ZNF705A: variants seen among roughly 807,000 people sequenced by gnomAD.
ZNF705A encodes the protein zinc finger protein 705A.
Under a neutral mutation model 16.6 loss-of-function variants are expected in ZNF705A, and 8 were observed. That is an observed-to-expected ratio of 0.48 (90% CI 0.28 to 0.87). The LOEUF is 0.87. Among genes scored for constraint, ZNF705A ranks in the 40% least tolerant of loss-of-function variants. The probability of loss-of-function intolerance (pLI) is 0.10; values close to 1 mark genes in which losing one functional copy is unlikely to be tolerated. For missense variants in ZNF705A, 233 were observed against 359.9 expected (o/e 0.65, Z 2.85); for synonymous variants, 73 against 117.3 (o/e 0.62, Z 2.44).
At chr12:8,167,461 G>A (rs373836539) in intron 1 of ZNF705A, among the ~76,000 whole-genome samples, 4 of 152,100 alleles carry the variant, frequency 2.6e-5, no homozygotes, top group Non-Finnish European at 4.4e-5. Context: ...TGGTGATTAG[G>A]TTTATTAATT....
At chr12:8,170,278 G>A (rs376901866), upstream of ZNF705A, among the ~76,000 whole-genome samples, 3 of 150,886 alleles carry the variant, frequency 2.0e-5, no homozygotes, top group Admixed American at 6.6e-5. Flanking sequence ...AAATACATAA[G>A]TTGTTATTCC....
At chr12:8,175,112 T>C (rs759318007) in intron 2 of ZNF705A, 116 bp from the exon 4 acceptor site, 1 of 828,746 alleles carries the variant, frequency 1.2e-6, no homozygotes, top group South Asian at 1.6e-5. Flanking sequence ...CTAGGTCTTG[T>C]GGCCTGAGCT....
upstream of ZNF705A, among the ~76,000 whole-genome samples, chr12:8,171,930 T>C (rs1948448807): frequency 6.6e-6 from 1 of 152,136 alleles, no homozygotes; most frequent in African/African-American, 2.4e-5. Flanking sequence ...AAAGACGGGG[T>C]TTCACCATGT....
intron 1 of ZNF705A, among the ~76,000 whole-genome samples, chr12:8,162,229 C>T (rs1948361920): frequency 6.6e-6 from 1 of 152,122 alleles, no homozygotes; most frequent in East Asian, 1.9e-4. Context: ...AAAGGCATAA[C>T]AGGTACTCAG....
chr12:8,163,963 G>A (rs754561386), intron 1 of ZNF705A, among the ~76,000 whole-genome samples: 41 of 151,970 alleles, frequency 2.7e-4, no homozygotes, highest in African/African-American at 9.2e-4. Context: ...TAATATTTAA[G>A]GTGTGCATCT....
intron 1 of ZNF705A, among the ~76,000 whole-genome samples, chr12:8,158,807 T>C (rs1591620091): frequency 6.6e-6 from 1 of 152,150 alleles, no homozygotes; most frequent in Non-Finnish European, 1.5e-5. Context: ...TTTTTCACTA[T>C]TGATTTTTAT....
intron 1 of ZNF705A, among the ~76,000 whole-genome samples, chr12:8,166,963 T>C (rs1948404549): frequency 6.6e-6 from 1 of 152,182 alleles, no homozygotes; most frequent in Non-Finnish European, 1.5e-5. Context: ...TCCTTTTAGT[T>C]ACCCAAATTT....
At chr12:8,171,021 A>G (rs1487631673), upstream of ZNF705A, among the ~76,000 whole-genome samples, 1 of 152,202 alleles carries the variant, frequency 6.6e-6, no homozygotes, top group East Asian at 1.9e-4. Context: ...CAGGCAGAAT[A>G]TAATTAAAAG....
chr12:8,170,735 T>C (rs1948439090), upstream of ZNF705A, among the ~76,000 whole-genome samples: 1 of 152,202 alleles, frequency 6.6e-6, no homozygotes, highest in Non-Finnish European at 1.5e-5. Flanking sequence ...AATTATAGAC[T>C]ACATAATACA....
intron 1 of ZNF705A, among the ~76,000 whole-genome samples, chr12:8,163,519 T>G (rs1250882273): frequency 2.6e-5 from 4 of 152,214 alleles, no homozygotes; most frequent in Non-Finnish European, 4.4e-5. Context: ...GTCATCATAA[T>G]CAGCCTCATC....
Position 8,177,572 on chromosome 12 carries a change from G to A in ZNF705A, c.892G>A (p.Asp298Asn), listed in dbSNP as rs748496251. ...TGGGAAGGCCTTCAGTCTGTCTTCC[G>A]ACCTTAGATGACATGAGAGAACATG... Residue 298 changes from aspartate to asparagine, a missense_variant, in exon 5 of 5, where the codon GAC becomes AAC. By Grantham distance (23) the Asp-to-Asn change is conservative. Around this residue, in one of 3 missense-constraint regions of ZNF705A, gnomAD observed 220 missense variants for 271.4 expected, o/e 0.81. Coordinates refer to ENST00000359286, the Ensembl canonical transcript of ZNF705A. 145 of 1,606,996 alleles carry A rather than the reference G, an allele frequency of 9.0e-5. No homozygotes were observed. The highest frequency in any genetic ancestry group is 9.0e-4 in the African/African-American group (67 of 74,800).
intron 3 of ZNF705A, 108 bp downstream of exon 4, chr12:8,175,431 T>C: frequency 7.8e-7 from 1 of 1,288,772 alleles, no homozygotes; most frequent in South Asian, 1.3e-5. Context: ...ATTTCTAAAA[T>C]GTAGGTTAGG....
At chr12:8,174,945 G>T (rs1410037950) in intron 2 of ZNF705A, among the ~76,000 whole-genome samples, 1 of 152,108 alleles carries the variant, frequency 6.6e-6, no homozygotes, top group African/African-American at 2.4e-5. Context: ...TTTCTGAAAA[G>T]ATTGTGTATT....
At position 8,165,115 on chromosome 12, in the gene ZNF705A, A is replaced by C. The variant is rs370597811; in HGVS notation, c.-71-7440A>C. ...CTCCACATCCTCACTAATACTTGTTATACATCTTTTTGATAATAGCTATTC... is the reference window on the plus strand; with the variant it reads ...CTCCACATCCTCACTAATACTTGTTCTACATCTTTTTGATAATAGCTATTC... On this transcript the variant is annotated intron_variant, in intron 1 of 5. Coordinates refer to the ZNF705A transcript ENST00000396570. Among the ~76,000 whole-genome samples the C allele has an allele frequency of 1.1e-4, 16 of 152,292 alleles. No homozygotes were observed. The East Asian group carries it at 3.1e-3, about 29-fold the overall frequency.
chr12:8,172,493 A>G (rs1204131737), upstream of ZNF705A: 87 of 1,206,218 alleles, frequency 7.2e-5, no homozygotes, highest in Non-Finnish European at 1.0e-4. Context: ...CTGGCTTTTC[A>G]TCGGTTGATC....
chr12:8,166,364 G>A (rs12320194), intron 1 of ZNF705A, among the ~76,000 whole-genome samples: 2,976 of 152,208 alleles, frequency 0.02, 105 homozygotes, highest in African/African-American at 0.069. Context: ...ACCTCAAATT[G>A]TACTCCCATA....
At chr12:8,161,928 C>G (rs1413122532) in intron 1 of ZNF705A, among the ~76,000 whole-genome samples, 2 of 152,168 alleles carry the variant, frequency 1.3e-5, no homozygotes, top group Non-Finnish European at 2.9e-5. Flanking sequence ...GGAGGAAACT[C>G]CATTGTGAGC....
upstream of ZNF705A, among the ~76,000 whole-genome samples, chr12:8,170,394 T>C (rs1948436415): frequency 6.6e-6 from 1 of 152,332 alleles, no homozygotes; most frequent in African/African-American, 2.4e-5. Context: ...CTTGTGTATG[T>C]ATGTGTTTTA....
chr12:8,171,982 C>A (rs1948449569), upstream of ZNF705A, among the ~76,000 whole-genome samples: 1 of 152,202 alleles, frequency 6.6e-6, no homozygotes, highest in Admixed American at 6.5e-5. Context: ...GGTGATCCAC[C>A]TGCCTTGGCC....
Sources: allele counts gnomAD v4.1 joint callset (sites outside exome capture counted in the v4.1 genomes callset), GRCh38; gene constraint gnomAD v4.1.1; regional missense constraint gnomAD v4.1.1; transcripts MANE v1.5; gene names NCBI Gene and HGNC (gene_info 2026-07-23, HGNC 2026-07-21).